Variants in STAG1 observed in about 807,000 individuals in gnomAD.
The protein encoded by STAG1 is cohesin subunit SA-1.
In STAG1, 26 loss-of-function variants were observed where a neutral mutation model predicts 170.9. That is an observed-to-expected ratio of 0.15 (90% CI 0.11 to 0.21). The LOEUF (loss-of-function observed/expected upper bound fraction) is 0.21. Ranked by LOEUF, STAG1 falls within the 10% of genes least tolerant of loss-of-function variation. STAG1 has a pLI of 1.00. For missense variants in STAG1, 964 were observed against 1,509.5 expected, an observed-to-expected ratio of 0.64 and a Z score of 5.99; for synonymous variants, 514 against 497.7, an observed-to-expected ratio of 1.03 and a Z score of -0.44.
intron 6 of STAG1, among the ~76,000 whole-genome samples, chr3:136,538,313 G>A (rs1935739254): frequency 6.6e-6 from 1 of 151,968 alleles, no homozygotes; most frequent in Non-Finnish European, 1.5e-5. Context: ...TACCAAGGGT[G>A]GAAGGAAGAA....
chr3:136,529,835 A>G (rs184836537), intron 6 of STAG1, among the ~76,000 whole-genome samples: 1 of 152,370 alleles, frequency 6.6e-6, no homozygotes, highest in East Asian at 1.9e-4. Flanking sequence ...AAATAATATT[A>G]CAAAACAACC....
intron 1 of STAG1, among the ~76,000 whole-genome samples, chr3:136,679,622 G>A (rs554861022): frequency 2.6e-5 from 4 of 151,658 alleles, no homozygotes; most frequent in African/African-American, 7.3e-5. Flanking sequence ...CCAGCTACTC[G>A]GGAGGCTGAT....
At chr3:136,663,638 GTAAC>G (rs1187920375) in intron 1 of STAG1, among the ~76,000 whole-genome samples, 2 of 152,166 alleles carry the variant, frequency 1.3e-5, no homozygotes, top group Non-Finnish European at 2.9e-5. Context: ...ACACCAAAAT[GTAAC>G]ACTAACTTAG....
intron 4 of STAG1, among the ~76,000 whole-genome samples, chr3:136,583,634 C>T (rs1317840707): frequency 1.3e-5 from 2 of 151,840 alleles, no homozygotes; most frequent in Non-Finnish European, 2.9e-5. Context: ...ACTAAAAATA[C>T]AAAAATTAGC....
At chr3:136,683,152 T>C (rs1248876131) in intron 1 of STAG1, among the ~76,000 whole-genome samples, 3 of 152,196 alleles carry the variant, frequency 2.0e-5, no homozygotes, top group Non-Finnish European at 4.4e-5. Flanking sequence ...ACGTTTCACT[T>C]CTGCAAAACA....
At chr3:136,728,776 T>A (rs116048600) in intron 1 of STAG1, among the ~76,000 whole-genome samples, 2 of 152,190 alleles carry the variant, frequency 1.3e-5, no homozygotes, top group Non-Finnish European at 2.9e-5. Context: ...TATCAAACTA[T>A]AGGATAGTTA....
rs1319862648 is a variant in STAG1 at position 136,604,815 on chromosome 3, A to C, written c.133-342T>G. On this transcript the variant is annotated intron_variant, in intron 3 of 33. Transcript: ENST00000383202. ...ACAGACCCCACCACCACGACCAGTTAATTTTTGTATTTTCAATAGAGACGG... is the reference window on the plus strand; with the variant it reads ...ACAGACCCCACCACCACGACCAGTTCATTTTTGTATTTTCAATAGAGACGG... Among the ~76,000 whole-genome samples the C allele has an allele frequency of 2.0e-5, 3 of 151,878 alleles. No individual in the cohort carries two copies. The East Asian group carries it at 5.8e-4, about 29-fold the overall frequency.
chr3:136,599,271 T>C (rs1280422705), intron 4 of STAG1, among the ~76,000 whole-genome samples: 1 of 152,130 alleles, frequency 6.6e-6, no homozygotes, highest in East Asian at 1.9e-4. Flanking sequence ...GGCTCAATCT[T>C]GTAATTCCAG....
chr3:136,458,126 T>C (rs1014015557), intron 13 of STAG1, among the ~76,000 whole-genome samples: 4 of 152,120 alleles, frequency 2.6e-5, no homozygotes, highest in African/African-American at 9.7e-5. Context: ...ATAAACTGTA[T>C]TTTTTTCTGT....
chr3:136,635,858 G>A (rs750219720), intron 1 of STAG1, among the ~76,000 whole-genome samples: 4 of 152,172 alleles, frequency 2.6e-5, no homozygotes, highest in Non-Finnish European at 5.9e-5. Context: ...GAAAAACACA[G>A]TATCATTTGC....
chr3:136,617,242 T>C (rs1214556171), intron 3 of STAG1, among the ~76,000 whole-genome samples: 1 of 152,216 alleles, frequency 6.6e-6, no homozygotes, highest in Non-Finnish European at 1.5e-5. Flanking sequence ...GAGTCCCTCA[T>C]ACTATTCCAA....
intron 29 of STAG1, among the ~76,000 whole-genome samples, chr3:136,345,779 C>T (rs185343717): frequency 2.0e-5 from 3 of 152,178 alleles, no homozygotes; most frequent in East Asian, 1.9e-4. Context: ...TGTTTCTCCT[C>T]GTATTTCTCA....
chr3:136,743,758 C>T (rs1182941633), intron 1 of STAG1, among the ~76,000 whole-genome samples: 1 of 152,008 alleles, frequency 6.6e-6, no homozygotes, highest in Non-Finnish European at 1.5e-5. Context: ...AACCCAAATA[C>T]CAAAACCTGA....
At chr3:136,466,010 C>T (rs2089446958) in intron 12 of STAG1, among the ~76,000 whole-genome samples, 1 of 152,138 alleles carries the variant, frequency 6.6e-6, no homozygotes, top group African/African-American at 2.4e-5. Context: ...CTGTACGTCA[C>T]CATCATCAAA....
chr3:136,470,947 C>T (rs541442985), intron 12 of STAG1, among the ~76,000 whole-genome samples: 31 of 142,496 alleles, frequency 2.2e-4, no homozygotes, highest in African/African-American at 6.1e-4. Context: ...AACACTTGGA[C>T]GCAGGAAGGG....
intron 1 of STAG1, among the ~76,000 whole-genome samples, chr3:136,658,388 A>G (rs1941464762): frequency 6.6e-6 from 1 of 152,082 alleles, no homozygotes; most frequent in Admixed American, 6.6e-5. Context: ...CTTGAATAGG[A>G]AATTTAAAAA....
chr3:136,491,843 T>C (rs1207583480), intron 9 of STAG1, among the ~76,000 whole-genome samples: 1 of 151,916 alleles, frequency 6.6e-6, no homozygotes, highest in Non-Finnish European at 1.5e-5. Flanking sequence ...AAATACAAAA[T>C]TAGCTGAGGA....
rs534821455 is a variant in STAG1, at chr3:136,464,249, C to A, written c.1313+632G>T. 2.6e-5 allele frequency among the ~76,000 whole-genome samples: 4 copies of A among 151,604 alleles called. No homozygotes were observed. The South Asian group carries it at 8.3e-4, about 32-fold the overall frequency. On this transcript the variant is annotated intron_variant, in intron 13 of 33. Transcript: ENST00000383202. ...CACCGGCCTGACCAACATGGAGAAACCCTGTCTCTAATAAAAACACAAAAT... is the reference window on the plus strand; with the variant it reads ...CACCGGCCTGACCAACATGGAGAAAACCTGTCTCTAATAAAAACACAAAAT...
intron 4 of STAG1, among the ~76,000 whole-genome samples, chr3:136,595,584 G>A (rs1007275995): frequency 1.3e-5 from 2 of 151,892 alleles, no homozygotes; most frequent in African/African-American, 2.4e-5. Context: ...GGCTGAGGCA[G>A]AAGAATGGCA....
Sources: allele counts gnomAD v4.1 joint callset (sites outside exome capture counted in the v4.1 genomes callset), GRCh38; gene constraint gnomAD v4.1.1; transcripts MANE v1.5; gene names NCBI Gene and HGNC (gene_info 2026-07-23, HGNC 2026-07-21).